Variants in GRIP1 observed in about 807,000 individuals in gnomAD.
GRIP1 encodes the protein glutamate receptor interacting protein 1, also known as glutamate receptor-interacting protein 1.
GRIP1 carries 45 observed loss-of-function variants against 129.9 expected under a neutral mutation model. That is an observed-to-expected ratio of 0.35 (90% CI 0.27 to 0.44). The LOEUF (loss-of-function observed/expected upper bound fraction) is 0.44. GRIP1 is among the 20% of genes least tolerant of loss of function. The pLI is 1.00. For missense variants in GRIP1, 1,196 were observed against 1,396.8 expected, an observed-to-expected ratio of 0.86 and a Z score of 2.29; for synonymous variants, 530 against 520.8, an observed-to-expected ratio of 1.02 and a Z score of -0.24.
intron 1 of GRIP1, among the ~76,000 whole-genome samples, chr12:66,735,977 A>C (rs2036582120): frequency 6.6e-6 from 1 of 152,108 alleles, no homozygotes; most frequent in South Asian, 2.1e-4. Context: ...CTTGAGACAC[A>C]TATGAGATGT....
chr12:66,885,426 G>A (rs1045252026), intron 1 of GRIP1, among the ~76,000 whole-genome samples: 3 of 152,064 alleles, frequency 2.0e-5, no homozygotes, highest in Non-Finnish European at 2.9e-5. Context: ...GATGGTCTGA[G>A]ACAAAAAAAA....
At chr12:67,035,959 C>G (rs528346900) in intron 1 of GRIP1, among the ~76,000 whole-genome samples, 6 of 152,142 alleles carry the variant, frequency 3.9e-5, no homozygotes, top group Non-Finnish European at 5.9e-5. Context: ...AGTTCCCCCA[C>G]AGAATACATT....
At position 66,736,064 on chromosome 12, in the gene GRIP1, C is replaced by A. The variant is rs549776331; in HGVS notation, c.-420+67989G>T. ...ATGCTGAGGGGTTGGGGAGGGCTGA[C>A]CCCTGCACAGTCAAAAATCTGTGTA... On this transcript the variant is annotated intron_variant, in intron 1 of 4. Transcript: ENST00000538373. 2.2e-4 allele frequency among the ~76,000 whole-genome samples: 34 copies of A among 152,234 alleles called. No individual in the cohort carries two copies. In the South Asian group the frequency reaches 6.6e-3, roughly 30 times the overall value.
At chr12:67,000,136 G>A (rs963474338) in intron 1 of GRIP1, among the ~76,000 whole-genome samples, 5 of 152,132 alleles carry the variant, frequency 3.3e-5, no homozygotes, top group Non-Finnish European at 7.4e-5. Context: ...CTCGAGGGAA[G>A]CAACTCTAAC....
At chr12:67,016,243 T>C (rs1747608474) in intron 1 of GRIP1, among the ~76,000 whole-genome samples, 1 of 152,122 alleles carries the variant, frequency 6.6e-6, no homozygotes, top group Non-Finnish European at 1.5e-5. Flanking sequence ...CGCTTGAGAA[T>C]TTAAAGCACT....
chr12:66,546,809 C>T (rs1340746989), intron 2 of GRIP1, among the ~76,000 whole-genome samples: 1 of 151,864 alleles, frequency 6.6e-6, no homozygotes, highest in East Asian at 1.9e-4. Flanking sequence ...TATTTAGAAA[C>T]TGTAGGAAAA....
chr12:66,396,455 C>A (rs1308695358), intron 16 of GRIP1, among the ~76,000 whole-genome samples: 2 of 152,182 alleles, frequency 1.3e-5, no homozygotes, highest in African/African-American at 2.4e-5. Context: ...GCTCATTCTG[C>A]AGAGTGAGTA....
At chr12:67,057,437 A>T (rs892496393) in intron 1 of GRIP1, among the ~76,000 whole-genome samples, 2 of 27,996 alleles carry the variant, frequency 7.1e-5, no homozygotes, top group African/African-American at 2.4e-4. Flanking sequence ...CCAAGAACGT[A>T]AAAAAAAAAA....
intron 1 of GRIP1, among the ~76,000 whole-genome samples, chr12:66,750,444 T>C (rs770727593): frequency 1.2e-4 from 18 of 152,144 alleles, no homozygotes; most frequent in African/African-American, 3.1e-4. Flanking sequence ...AGCCTCAATA[T>C]AGGGTGCCAG....
intron 1 of GRIP1, among the ~76,000 whole-genome samples, chr12:66,934,794 G>A (rs1170133664): frequency 2.6e-5 from 4 of 152,202 alleles, no homozygotes; most frequent in East Asian, 1.9e-4. Context: ...TACAGGGATC[G>A]TGGACGATGA....
chr12:66,531,552 G>A (rs998351993), intron 4 of GRIP1, among the ~76,000 whole-genome samples: 3 of 151,748 alleles, frequency 2.0e-5, no homozygotes, highest in Non-Finnish European at 4.4e-5. Flanking sequence ...AATTTGGATC[G>A]GCTGAAAAAC....
chr12:66,857,317 G>A (rs1003689292), intron 1 of GRIP1, among the ~76,000 whole-genome samples: 2 of 152,026 alleles, frequency 1.3e-5, no homozygotes, highest in East Asian at 3.9e-4. Context: ...TGCACGTTGT[G>A]CACATGTACC....
intron 1 of GRIP1, among the ~76,000 whole-genome samples, chr12:67,025,748 C>T (rs1294872920): frequency 1.3e-5 from 2 of 152,018 alleles, no homozygotes; most frequent in Non-Finnish European, 2.9e-5. Context: ...AGGTTTACCC[C>T]AAGTGTGGAT....
chr12:66,402,894 C>T (rs183708777), intron 16 of GRIP1, among the ~76,000 whole-genome samples: 11 of 152,220 alleles, frequency 7.2e-5, no homozygotes, highest in East Asian at 5.8e-4. Flanking sequence ...AGGATCAGAA[C>T]GAATGCAGAG....
At position 66,491,382 on chromosome 12, in the gene GRIP1, T is replaced by C. The variant is rs201009753; in HGVS notation, c.724+24237A>G. ...CAGGAACAGAATACCAAATACTGCATGTCCTCATTTATAAGTGGGAACTGA... is the reference window on the plus strand; with the variant it reads ...CAGGAACAGAATACCAAATACTGCACGTCCTCATTTATAAGTGGGAACTGA... On this transcript the variant is annotated intron_variant, in intron 7 of 24. Transcript: ENST00000359742. Among the ~76,000 whole-genome samples the C allele has an allele frequency of 3.9e-5, 6 of 152,320 alleles. No individual in the cohort carries two copies. In the East Asian group the frequency reaches 7.7e-4, roughly 20 times the overall value.
chr12:66,445,362 G>A lies in GRIP1; in HGVS notation c.1501C>T (p.Pro501Ser). ...VFATETLSSP[P>S]LISYIEADSP... ...TCAGCTTCGATATAGGAAATCAGAG[G>A]TGGAGAAGAGAGAGTTTCTGTGGCA... Residue 501 changes from proline to serine, a missense_variant, in exon 12 of 25, where the codon CCT becomes TCT. Physicochemically the swap from Pro to Ser is moderately conservative, Grantham distance 74. Transcript: ENST00000359742. 1.2e-6 allele frequency: 2 copies of A among 1,614,174 alleles called. No individual in the cohort carries two copies. The highest frequency in any genetic ancestry group is 1.7e-6 in the Non-Finnish European group (2 of 1,179,988).
At chr12:66,434,398 T>C (rs2058241032) in intron 13 of GRIP1, among the ~76,000 whole-genome samples, 1 of 152,156 alleles carries the variant, frequency 6.6e-6, no homozygotes, top group African/African-American at 2.4e-5. Context: ...GACTTCGGGG[T>C]TGTCTTCAGC....
At position 66,876,019 on chromosome 12, in the gene GRIP1, A is replaced by T. The variant is rs78685122; in HGVS notation, c.58+193031T>A. Among the ~76,000 whole-genome samples, 502 of 152,218 alleles carry T rather than the reference A, an allele frequency of 3.3e-3. 3 individuals are homozygous for T. Among genetic ancestry groups the T allele is most frequent in the African/African-American group, 0.012 (486 of 41,550 alleles). On this transcript the variant is annotated intron_variant, in intron 1 of 1. Transcript: ENST00000643019. The stretch of plus-strand genomic sequence containing the variant: ...TATTAGTATAACTTCATTTAAAGCC[A>T]CATATGCAAATCTTCAGAGTGAAGA...
intron 3 of GRIP1, among the ~76,000 whole-genome samples, chr12:66,539,561 T>TTTTTTTTTC: frequency 6.8e-6 from 1 of 147,362 alleles, no homozygotes; most frequent in African/African-American, 2.5e-5. Flanking sequence ...TTTTTTTTTT[T>TTTTTTTTTC]TTTTTTTTCA....
Sources: gnomAD v4.1 joint callset for allele counts (sites outside exome capture counted in the v4.1 genomes callset) on GRCh38, gnomAD v4.1.1 for gene constraint, MANE v1.5 for transcripts, NCBI Gene and HGNC (gene_info 2026-07-23, HGNC 2026-07-21) for gene names.